Variants in RANBP2 observed in about 807,000 individuals in gnomAD.
The protein encoded by RANBP2 is E3 SUMO-protein ligase RanBP2.
RANBP2 carries 57 observed loss-of-function variants against 303.6 expected under a neutral mutation model. The observed-to-expected ratio is 0.19, with a 90% CI of 0.15 to 0.23. The LOEUF is 0.23. Ranked by LOEUF, RANBP2 falls within the 10% of genes least tolerant of loss-of-function variation. The probability of loss-of-function intolerance (pLI) is 1.00; values close to 1 mark genes in which losing one functional copy is unlikely to be tolerated. For synonymous variants in RANBP2, 1,167 were observed against 1,301.5 expected (o/e 0.90, Z 2.23); for missense variants, 3,138 against 3,780.8 (o/e 0.83, Z 4.46).
the RANBP2 span, chr2:109,564,615 TA>T: frequency 8.1e-7 from 1 of 1,229,602 alleles, no homozygotes; most frequent in Admixed American, 3.0e-5. Context: ...AATGAACAAA[TA>T]AATGAAAACA....
the RANBP2 span, among the ~76,000 whole-genome samples, chr2:109,587,314 C>T: frequency 3.9e-5 from 6 of 151,926 alleles, no homozygotes; most frequent in Admixed American, 3.3e-4. Flanking sequence ...AGTTATTATC[C>T]AAGCTAAAAA....
At chr2:109,398,528 A>C in the RANBP2 span, 1 of 1,401,536 alleles carries the variant, frequency 7.1e-7, no homozygotes, top group Non-Finnish European at 9.6e-7. Context: ...GAGAGTGCAG[A>C]GGGCTGGTGT....
At chr2:108,879,612 C>T in the RANBP2 span, among the ~76,000 whole-genome samples, 1 of 152,008 alleles carries the variant, frequency 6.6e-6, no homozygotes, top group Non-Finnish European at 1.5e-5. Flanking sequence ...TATATTTTGG[C>T]CAGGCTAAGT....
the RANBP2 span, among the ~76,000 whole-genome samples, chr2:109,428,115 G>A: frequency 1.3e-4 from 20 of 152,362 alleles, no homozygotes; most frequent in African/African-American, 4.8e-4. Flanking sequence ...CTAGATGGAA[G>A]AGGTGAGGAG....
chr2:109,079,971 C>T, the RANBP2 span, among the ~76,000 whole-genome samples: 3 of 152,192 alleles, frequency 2.0e-5, no homozygotes, highest in East Asian at 5.8e-4. Flanking sequence ...CATGAGGACG[C>T]ATTTCTGGGA....
the RANBP2 span, among the ~76,000 whole-genome samples, chr2:109,063,226 C>CCGGGGG: frequency 1.3e-5 from 2 of 152,138 alleles, no homozygotes; most frequent in Non-Finnish European, 2.9e-5. Context: ...TTGTATATCC[C>CCGGGGG]CGGGGGCTGG....
chr2:109,445,992 G>T, the RANBP2 span, among the ~76,000 whole-genome samples: 5 of 152,116 alleles, frequency 3.3e-5, no homozygotes, highest in Non-Finnish European at 5.9e-5. Flanking sequence ...AGAGGAAAGG[G>T]AAAAGCAGGG....
chr2:109,389,632 T>C, the RANBP2 span, among the ~76,000 whole-genome samples: 1 of 152,252 alleles, frequency 6.6e-6, no homozygotes, highest in Non-Finnish European at 1.5e-5. Context: ...TGAGAAATTC[T>C]ACTCAAACTT....
the RANBP2 span, among the ~76,000 whole-genome samples, chr2:109,287,311 T>C: frequency 6.6e-6 from 1 of 152,246 alleles, no homozygotes; most frequent in Non-Finnish European, 1.5e-5. Flanking sequence ...GATGCCCTGG[T>C]GGAGAGGCGA....
At chr2:108,931,795 C>T in the RANBP2 span, among the ~76,000 whole-genome samples, 1 of 151,888 alleles carries the variant, frequency 6.6e-6, no homozygotes, top group Non-Finnish European at 1.5e-5. Flanking sequence ...AGCAATTTTA[C>T]TTGGTAGTCT....
At chr2:109,577,025 C>G in the RANBP2 span, among the ~76,000 whole-genome samples, 139 of 152,054 alleles carry the variant, frequency 9.1e-4, no homozygotes, top group African/African-American at 3.3e-3. Flanking sequence ...AATAAAAACC[C>G]AGGTACAGCA....
chr2:108,844,146 C>T, the RANBP2 span, among the ~76,000 whole-genome samples: 1 of 151,918 alleles, frequency 6.6e-6, no homozygotes, highest in South Asian at 2.1e-4. Context: ...CAACCGTGAG[C>T]CACCGCCCCC....
rs1186791239 is a variant in RANBP2 at position 108,783,876 on chromosome 2, C to T, written c.9650C>T (p.Thr3217Ile). Residue 3217 changes from threonine (T) to isoleucine (I), a missense_variant, in exon 29 of 29, where the codon ACT becomes ATT. By Grantham distance (89) the Thr-to-Ile change is moderately conservative. Transcript: ENST00000283195. ...SPKGSVCRRI[T>I]ITECGQI is the part of the protein sequence containing the mutation. ...AAAGGGTCTGTTTGTCGAAGAATAA[C>T]TATCACAGAATGTGGACAGATATAA... 6.2e-7 allele frequency: 1 copy of T among 1,612,548 alleles called. No homozygotes were observed. Among genetic ancestry groups the T allele is most frequent in the Middle Eastern group, 1.7e-4 (1 of 6,056 alleles).
the RANBP2 span, chr2:108,882,978 A>G: frequency 6.6e-6 from 1 of 151,956 alleles, no homozygotes; most frequent in Non-Finnish European, 1.5e-5. Flanking sequence ...AGGATGGCGC[A>G]AGTCAGGTGG....
the RANBP2 span, chr2:108,804,883 T>G: frequency 6.6e-7 from 1 of 1,521,900 alleles, no homozygotes; most frequent in Non-Finnish European, 8.8e-7. Flanking sequence ...TTTTTTCTCC[T>G]CCTAGCAGCA....
At chr2:109,041,789 C>T in the RANBP2 span, among the ~76,000 whole-genome samples, 4 of 151,012 alleles carry the variant, frequency 2.6e-5, no homozygotes, top group Non-Finnish European at 4.4e-5. Context: ...GATCTGCCCA[C>T]CTCGGCCTCC....
the RANBP2 span, among the ~76,000 whole-genome samples, chr2:109,385,131 G>C: frequency 1.3e-5 from 2 of 152,154 alleles, no homozygotes; most frequent in Non-Finnish European, 2.9e-5. Flanking sequence ...GCCCACGTTG[G>C]CATCAGACAG....
At chr2:109,528,891 C>A in the RANBP2 span, among the ~76,000 whole-genome samples, 1 of 152,148 alleles carries the variant, frequency 6.6e-6, no homozygotes, top group African/African-American at 2.4e-5. Context: ...CGGTGTAGGC[C>A]GGCACGAACT....
At chr2:108,848,393 G>A in the RANBP2 span, among the ~76,000 whole-genome samples, 4 of 152,126 alleles carry the variant, frequency 2.6e-5, no homozygotes, top group South Asian at 2.1e-4. Flanking sequence ...AGAGAAGACC[G>A]TTAATTTGTG....
Sources: gnomAD v4.1 joint callset for allele counts (sites outside exome capture counted in the v4.1 genomes callset) on GRCh38, gnomAD v4.1.1 for gene constraint, MANE v1.5 for transcripts, NCBI Gene and HGNC (gene_info 2026-07-23, HGNC 2026-07-21) for gene names.